ZC4H2: variants seen among roughly 807,000 people sequenced by gnomAD.
ZC4H2 encodes the protein zinc finger C4H2 domain-containing protein.
For missense variants in ZC4H2, 137 were observed against 173.9 expected (o/e 0.79, Z 1.19); for synonymous variants, 84 against 66.3 (o/e 1.27, Z -1.30).
At chrX:64,927,006 GTA>G (rs1334885290) in intron 1 of ZC4H2, among the ~76,000 whole-genome samples, 1 of 111,654 alleles carries the variant, frequency 9.0e-6, no homozygotes, top group Non-Finnish European at 1.9e-5. Context: ...CTAGATTTGA[GTA>G]TTTCCGCAGA....
chrX:64,951,510 G>A lies in ZC4H2; in HGVS notation c.53+24815C>T, dbSNP rs1391226247. ...TTGCCATTCTAACTGGTGTGAGATGGTATCTCAATTTGGTTTTGATTTGCA... is the reference window on the plus strand; with the variant it reads ...TTGCCATTCTAACTGGTGTGAGATGATATCTCAATTTGGTTTTGATTTGCA... On this transcript the variant is annotated intron_variant, in intron 1 of 4. Coordinates refer to ENST00000374839, the MANE Select transcript of ZC4H2 (RefSeq NM_018684.4). Among the ~76,000 whole-genome samples, 3 of 111,075 alleles carry A rather than the reference G, an allele frequency of 2.7e-5. No individual in the cohort carries two copies. In the Admixed American group the frequency reaches 2.9e-4, roughly 11 times the overall value.
intron 1 of ZC4H2, among the ~76,000 whole-genome samples, chrX:65,009,011 G>T (rs1282992940): frequency 9.0e-6 from 1 of 111,604 alleles, no homozygotes; most frequent in East Asian, 2.8e-4. Flanking sequence ...TGAGGTGATG[G>T]ACACCACAAT....
rs1475953486 is a variant in ZC4H2, at chrX:64,917,765, C to T, written c.*18G>A. 8.3e-7 allele frequency: 1 copy of T among 1,206,514 alleles called. No homozygotes were observed. The highest frequency in any genetic ancestry group is 1.1e-6 in the Non-Finnish European group (1 of 892,795). The stretch of plus-strand genomic sequence containing the variant: ...TGAGGGGTTATAATTAGCAAAGCTT[C>T]ATGTGCTCTCCCTTTCTTTATTCAT... On this transcript the variant is annotated 3_prime_UTR_variant, in exon 5 of 5. Transcript: ENST00000374839.
intron 1 of ZC4H2, among the ~76,000 whole-genome samples, chrX:64,990,141 G>C (rs892137308): frequency 1.8e-5 from 2 of 112,064 alleles, no homozygotes; most frequent in Non-Finnish European, 3.8e-5. Context: ...ATGTTCTTCA[G>C]CAGGTGAATG....
chrX:65,013,603 A>T (rs1932778662), intron 1 of ZC4H2, among the ~76,000 whole-genome samples: 2 of 111,320 alleles, frequency 1.8e-5, no homozygotes, highest in Non-Finnish European at 3.8e-5. Context: ...CAAGCAAGGA[A>T]CTGAGGCCCC....
intron 1 of ZC4H2, among the ~76,000 whole-genome samples, chrX:64,998,350 G>A (rs1332483815): frequency 9.0e-6 from 1 of 111,670 alleles, no homozygotes; most frequent in African/African-American, 3.3e-5. Context: ...ATATCCAAAA[G>A]AGAGCTGGTG....
intron 1 of ZC4H2, among the ~76,000 whole-genome samples, chrX:64,926,203 C>A (rs1929415417): frequency 9.0e-6 from 1 of 110,806 alleles, no homozygotes; most frequent in African/African-American, 3.3e-5. Context: ...GGGGTGAAGA[C>A]AATAAGGGGG....
At chrX:64,934,112 A>G (rs1042344060) in intron 1 of ZC4H2, among the ~76,000 whole-genome samples, 2 of 111,993 alleles carry the variant, frequency 1.8e-5, no homozygotes, top group Admixed American at 9.5e-5. Context: ...CAGCAGAGAG[A>G]CCTGGGAGAG....
chrX:64,968,856 C>T (rs995564762), intron 1 of ZC4H2, among the ~76,000 whole-genome samples: 2 of 111,280 alleles, frequency 1.8e-5, no homozygotes, highest in Admixed American at 9.5e-5. Flanking sequence ...CTCCCAGGTC[C>T]GAAGGCTAGG....
At chrX:65,013,069 C>A (rs184737561) in intron 1 of ZC4H2, among the ~76,000 whole-genome samples, 1 of 111,259 alleles carries the variant, frequency 9.0e-6, no homozygotes, top group East Asian at 2.8e-4. Context: ...AAATCTCAGG[C>A]GTGCTAGCAA....
chrX:64,958,333 T>C (rs1238092584), intron 1 of ZC4H2, among the ~76,000 whole-genome samples: 1 of 112,090 alleles, frequency 8.9e-6, no homozygotes, highest in Non-Finnish European at 1.9e-5. Flanking sequence ...CTATGGTATA[T>C]GTGGTGTATT....
At chrX:64,956,493 A>T (rs768331747) in intron 1 of ZC4H2, among the ~76,000 whole-genome samples, 1 of 111,558 alleles carries the variant, frequency 9.0e-6, no homozygotes, top group South Asian at 3.8e-4. Flanking sequence ...AAAATATGCA[A>T]CCATGAACAC....
At chrX:65,027,583 G>T (rs1932892286) in intron 1 of ZC4H2, among the ~76,000 whole-genome samples, 1 of 111,389 alleles carries the variant, frequency 9.0e-6, no homozygotes, top group African/African-American at 3.3e-5. Context: ...GAGAGTCTGA[G>T]GTGACCTTTA....
intron 1 of ZC4H2, 154 bp from the exon 2 acceptor site, chrX:64,922,142 G>A: frequency 9.3e-7 from 1 of 1,080,871 alleles, no homozygotes; most frequent in East Asian, 3.4e-5. Context: ...CAGGTGCAAT[G>A]GCTCATGCCA....
chrX:64,953,134 C>T (rs1336041939), intron 1 of ZC4H2, among the ~76,000 whole-genome samples: 2 of 112,085 alleles, frequency 1.8e-5, no homozygotes, highest in Admixed American at 9.5e-5. Flanking sequence ...AAAGCTGAAA[C>T]TGGATCCCTT....
At chrX:64,925,161 C>T (rs1929374713) in intron 1 of ZC4H2, among the ~76,000 whole-genome samples, 1 of 111,949 alleles carries the variant, frequency 8.9e-6, no homozygotes, top group Non-Finnish European at 1.9e-5. Flanking sequence ...ATATCTCCTT[C>T]ACCAGAGTGG....
intron 1 of ZC4H2, among the ~76,000 whole-genome samples, chrX:64,957,144 G>C (rs1214707450): frequency 8.9e-6 from 1 of 112,483 alleles, no homozygotes; most frequent in Admixed American, 9.4e-5. Context: ...GCCAGTCCTA[G>C]CAGCCATAGT....
At chrX:64,956,273 C>T (rs1286142550) in intron 1 of ZC4H2, among the ~76,000 whole-genome samples, 4 of 111,022 alleles carry the variant, frequency 3.6e-5, no homozygotes, top group African/African-American at 1.3e-4. Context: ...ACTCTTTAGC[C>T]CATTCTTTAA....
intron 1 of ZC4H2, among the ~76,000 whole-genome samples, chrX:64,973,815 G>A (rs182393032): frequency 2.4e-4 from 27 of 111,375 alleles, no homozygotes; most frequent in Admixed American, 2.3e-3. Flanking sequence ...CTAGGGCATC[G>A]TCAGTTTCTG....
Sources: allele counts gnomAD v4.1 joint callset (sites outside exome capture counted in the v4.1 genomes callset), GRCh38; gene constraint gnomAD v4.1.1; transcripts MANE v1.5; gene names NCBI Gene and HGNC (gene_info 2026-07-23, HGNC 2026-07-21).